Variants in KCNN2 observed in about 807,000 individuals in gnomAD.
KCNN2 encodes small conductance calcium-activated potassium channel protein 2.
In KCNN2, 24 loss-of-function variants were observed where a neutral mutation model predicts 55.5. That is an observed-to-expected ratio of 0.43 (90% CI 0.31 to 0.61). The LOEUF is 0.61. Ranked by LOEUF, KCNN2 falls within the 20% of genes least tolerant of loss-of-function variation. KCNN2 has a pLI of 0.08. For missense variants in KCNN2, 754 were observed against 853.6 expected (o/e 0.88, Z 1.45); for synonymous variants, 431 against 336.1 (o/e 1.28, Z -3.09).
At chr5:114,076,840 C>G (rs1294751845) in intron 1 of KCNN2, among the ~76,000 whole-genome samples, 1 of 152,008 alleles carries the variant, frequency 6.6e-6, no homozygotes, top group Non-Finnish European at 1.5e-5. Context: ...AGTGCAGGCA[C>G]GTGCCAACAT....
intron 1 of KCNN2, among the ~76,000 whole-genome samples, chr5:114,148,273 C>A (rs1333526206): frequency 6.6e-6 from 1 of 152,076 alleles, no homozygotes; most frequent in African/African-American, 2.4e-5. Context: ...GGTTGTAACA[C>A]CCTGATAGGT....
rs1249469886 is a variant in KCNN2 at position 114,487,070 on chromosome 5, T to C, written c.1911T>C (p.Asn637=). ...LTKRVKNAAA[N]VLRETWLIYK... ...AACAGGTAAAAAATGCAGCTGCCAA[T>C]GTACTCAGGGAAACATGGCTAATTT... The change falls in exon 6 of 8, where the codon AAT becomes AAC. Residue 637 remains asparagine (N), a synonymous_variant. Coordinates refer to ENST00000673685, the MANE Select transcript of KCNN2 (RefSeq NM_021614.4). The C allele has an allele frequency of 1.2e-6, 2 of 1,612,816 alleles. No homozygotes were observed. Among genetic ancestry groups the C allele is most frequent in the Non-Finnish European group, 1.7e-6 (2 of 1,179,110 alleles).
chr5:114,167,952 A>G (rs981315281), intron 1 of KCNN2, among the ~76,000 whole-genome samples: 4 of 152,054 alleles, frequency 2.6e-5, no homozygotes, highest in Admixed American at 6.6e-5. Context: ...TTTATTTAGC[A>G]TATTGATTTT....
At chr5:114,381,170 G>A (rs573429198) in intron 2 of KCNN2, among the ~76,000 whole-genome samples, 1 of 152,248 alleles carries the variant, frequency 6.6e-6, no homozygotes, top group East Asian at 1.9e-4. Context: ...CTTTTTCTTA[G>A]CATAAAGTTT....
chr5:114,072,977 C>A (rs988471364), intron 1 of KCNN2, among the ~76,000 whole-genome samples: 2 of 152,160 alleles, frequency 1.3e-5, no homozygotes, highest in Non-Finnish European at 2.9e-5. Context: ...ATAGGTAATA[C>A]ATAGTGACTG....
intron 3 of KCNN2, among the ~76,000 whole-genome samples, chr5:114,452,275 T>C (rs950911806): frequency 1.3e-5 from 2 of 152,190 alleles, no homozygotes; most frequent in African/African-American, 4.8e-5. Flanking sequence ...ATTTTACATT[T>C]TATTTGAATT....
rs1757469830 is a variant in KCNN2 at position 114,362,726 on chromosome 5, A to C, written c.587A>C (p.His196Pro). ...HHHPHPAHHQHHQPQARRESN... is the reference protein window; with the variant it reads ...HHHPHPAHHQPHQPQARRESN... ...CACCCGCACCCGGCGCACCACCAGC[A>C]CCACCAGCCCCAGGCGCGCCGCGAG... The change falls in exon 1 of 8, where the codon CAC (histidine) becomes CCC (proline). Residue 196 changes from histidine (H) to proline (P), a missense_variant. Physicochemically the swap from His to Pro is moderately conservative, Grantham distance 77. Transcript: ENST00000673685. 1.3e-6 allele frequency: 2 copies of C among 1,518,104 alleles called. No homozygotes were observed. Among genetic ancestry groups the C allele is most frequent in the Admixed American group, 2.1e-5 (1 of 48,674 alleles). 94.0% of individuals were successfully genotyped at this position (1,518,104 alleles called of 1,614,324 possible).
intron 2 of KCNN2, among the ~76,000 whole-genome samples, chr5:114,393,160 A>G (rs780302879): frequency 2.6e-5 from 4 of 152,144 alleles, no homozygotes; most frequent in African/African-American, 4.8e-5. Context: ...TCAAACACTG[A>G]GAGGCTTTTT....
intron 3 of KCNN2, among the ~76,000 whole-genome samples, chr5:114,445,616 C>T (rs1327667298): frequency 6.6e-6 from 1 of 152,212 alleles, no homozygotes; most frequent in Non-Finnish European, 1.5e-5. Flanking sequence ...CATCAAAATA[C>T]ACAAAGTAAT....
At chr5:114,130,477 T>A (rs1357636822) in intron 1 of KCNN2, among the ~76,000 whole-genome samples, 1 of 152,222 alleles carries the variant, frequency 6.6e-6, no homozygotes, top group African/African-American at 2.4e-5. Flanking sequence ...TTTCTCTTGC[T>A]TGTCTACCAA....
chr5:114,363,883 G>T, intron 1 of KCNN2, 23 bp from the exon 2 acceptor site: 1 of 1,587,590 alleles, frequency 6.3e-7, no homozygotes, highest in Non-Finnish European at 8.6e-7. Flanking sequence ...TCTTAAAAGT[G>T]CTTCTGTCTG....
chr5:114,444,339 A>G (rs1490423214), intron 3 of KCNN2, among the ~76,000 whole-genome samples: 1 of 152,072 alleles, frequency 6.6e-6, no homozygotes, highest in African/African-American at 2.4e-5. Context: ...TTAAGAAATC[A>G]CTGACTTCGG....
At chr5:114,391,978 T>A (rs753601373) in intron 2 of KCNN2, among the ~76,000 whole-genome samples, 2 of 152,038 alleles carry the variant, frequency 1.3e-5, no homozygotes, top group Non-Finnish European at 2.9e-5. Flanking sequence ...ATGTCAGCCA[T>A]GTCTGTCTTT....
At chr5:114,183,021 T>C (rs977833018) in intron 1 of KCNN2, among the ~76,000 whole-genome samples, 3 of 152,090 alleles carry the variant, frequency 2.0e-5, no homozygotes, top group Admixed American at 6.5e-5. Context: ...CTTAATCAGA[T>C]TGAGGAGAGG....
At chr5:114,238,758 A>C (rs551443961) in intron 2 of KCNN2, among the ~76,000 whole-genome samples, 2 of 152,326 alleles carry the variant, frequency 1.3e-5, no homozygotes, top group Admixed American at 1.3e-4. Context: ...CCACTAACCT[A>C]TGTCCTATCA....
chr5:114,153,397 CT>C (rs1459258345), intron 1 of KCNN2, among the ~76,000 whole-genome samples: 2 of 152,150 alleles, frequency 1.3e-5, no homozygotes, highest in Non-Finnish European at 2.9e-5. Flanking sequence ...ATAGGGACCC[CT>C]GTCAAGAACT....
intron 5 of KCNN2, 52 bp downstream of exon 5, chr5:114,473,216 G>C (rs1761827964): frequency 4.2e-6 from 5 of 1,187,644 alleles, no homozygotes; most frequent in Non-Finnish European, 6.2e-6. Context: ...GATTTTTTCA[G>C]TGTTAGGAAA....
chr5:114,438,777 A>G (rs756321429), intron 3 of KCNN2, among the ~76,000 whole-genome samples: 10 of 151,986 alleles, frequency 6.6e-5, no homozygotes, highest in East Asian at 1.9e-4. Flanking sequence ...TTTAAGTTCT[A>G]TTTTCCCCTA....
intron 2 of KCNN2, among the ~76,000 whole-genome samples, chr5:114,247,411 A>T (rs978020167): frequency 1.4e-4 from 21 of 152,014 alleles, no homozygotes; most frequent in African/African-American, 4.8e-4. Context: ...TGCATTATTA[A>T]ATTTTATTAT....
Sources: gnomAD v4.1 joint callset for allele counts (sites outside exome capture counted in the v4.1 genomes callset) on GRCh38, gnomAD v4.1.1 for gene constraint, MANE v1.5 for transcripts, NCBI Gene and HGNC (gene_info 2026-07-23, HGNC 2026-07-21) for gene names.